SULF1: variants seen among roughly 807,000 people sequenced by gnomAD.
SULF1 encodes the protein sulfatase 1.
Under a neutral mutation model 110.5 loss-of-function variants are expected in SULF1, and 46 were observed. That is an observed-to-expected ratio of 0.42 (90% CI 0.33 to 0.53). The LOEUF (loss-of-function observed/expected upper bound fraction) is 0.53. Among genes scored for constraint, SULF1 ranks in the 20% least tolerant of loss-of-function variants. The probability of loss-of-function intolerance (pLI) is 0.12; values close to 1 mark genes in which losing one functional copy is unlikely to be tolerated. For synonymous variants in SULF1, 371 were observed against 387.1 expected (o/e 0.96, Z 0.49); for missense variants, 941 against 1,094.2 (o/e 0.86, Z 1.98).
chr8:69,659,373 T>C lies in SULF1; in HGVS notation c.*838T>C, dbSNP rs1812966483. Reference sequence around the variant, plus strand: ...ACAGTATTTCTTTTTAACTTTTTTATTTGTAAACTAATAAAGGTAATCACA... The same window carrying C: ...ACAGTATTTCTTTTTAACTTTTTTACTTGTAAACTAATAAAGGTAATCACA... On this transcript the variant is annotated 3_prime_UTR_variant, in exon 23 of 23. Coordinates refer to ENST00000402687, the MANE Select transcript of SULF1 (RefSeq NM_001128205.2). 2.8e-6 allele frequency: 1 copy of C among 357,860 alleles called. No individual in the cohort carries two copies. The allele number at this position is 357,860 out of a possible 1,614,324, so 22.2% of individuals were successfully genotyped here.
chr8:69,491,477 A>G (rs1809939308), upstream of SULF1, among the ~76,000 whole-genome samples: 1 of 152,216 alleles, frequency 6.6e-6, no homozygotes, highest in African/African-American at 2.4e-5. Context: ...CAGGTCCTCT[A>G]ATGTGCAGCA....
upstream of SULF1, among the ~76,000 whole-genome samples, chr8:69,490,667 A>G (rs1047154998): frequency 6.6e-6 from 1 of 152,166 alleles, no homozygotes; most frequent in South Asian, 2.1e-4. Context: ...ATGAGATAAT[A>G]TCTCAGGTTT....
At chr8:69,536,907 A>G (rs915370562) in intron 3 of SULF1, among the ~76,000 whole-genome samples, 1 of 152,194 alleles carries the variant, frequency 6.6e-6, no homozygotes, top group Non-Finnish European at 1.5e-5. Context: ...GTCCTGCAGA[A>G]GGACCCAGGC....
At chr8:69,605,001 C>T in intron 13 of SULF1, 69 bp downstream of exon 13, 10 of 1,587,942 alleles carry the variant, frequency 6.3e-6, no homozygotes, top group South Asian at 1.1e-5. Flanking sequence ...AAATTGTCCA[C>T]ATATAAAAGA....
intron 3 of SULF1, among the ~76,000 whole-genome samples, chr8:69,513,147 T>TA (rs1811692333): frequency 6.6e-6 from 1 of 152,238 alleles, no homozygotes; most frequent in African/African-American, 2.4e-5. Context: ...ATTGTTAATT[T>TA]AAAAAACAAA....
chr8:69,652,335 C>T (rs1204014464), intron 22 of SULF1, among the ~76,000 whole-genome samples: 5 of 152,150 alleles, frequency 3.3e-5, no homozygotes, highest in African/African-American at 9.7e-5. Flanking sequence ...ACATCTTTGC[C>T]GGGTGGAGTC....
chr8:69,527,783 G>A (rs897832557), intron 3 of SULF1, among the ~76,000 whole-genome samples: 3 of 152,124 alleles, frequency 2.0e-5, no homozygotes, highest in African/African-American at 7.2e-5. Context: ...GTGTGTATGT[G>A]TGTGTGTGTT....
chr8:69,605,696 A>G (rs1808173650), intron 13 of SULF1, among the ~76,000 whole-genome samples: 1 of 152,238 alleles, frequency 6.6e-6, no homozygotes, highest in Non-Finnish European at 1.5e-5. Context: ...CTGTGTCATG[A>G]CAAGAGGAAC....
At chr8:69,624,814 A>T (rs1218805827) in intron 15 of SULF1, among the ~76,000 whole-genome samples, 2 of 152,184 alleles carry the variant, frequency 1.3e-5, no homozygotes, top group African/African-American at 4.8e-5. Flanking sequence ...AGTTTAATGA[A>T]CTCACTTTGT....
intron 3 of SULF1, among the ~76,000 whole-genome samples, chr8:69,561,255 ATT>A (rs1815465716): frequency 1.3e-5 from 2 of 152,302 alleles, no homozygotes; most frequent in African/African-American, 2.4e-5. Flanking sequence ...TACAATTATC[ATT>A]TGTCAATAAA....
chr8:69,654,732 G>T (rs901270055), intron 22 of SULF1, among the ~76,000 whole-genome samples: 6 of 152,188 alleles, frequency 3.9e-5, no homozygotes, highest in African/African-American at 1.4e-4. Context: ...TCCAGTGGGG[G>T]ACACTCCCTT....
At chr8:69,517,178 A>G (rs897161186) in intron 3 of SULF1, among the ~76,000 whole-genome samples, 1 of 152,232 alleles carries the variant, frequency 6.6e-6, no homozygotes, top group African/African-American at 2.4e-5. Flanking sequence ...GCAAGTGTGC[A>G]AGACATAGAA....
At chr8:69,616,156 G>A (rs542502755) in intron 13 of SULF1, among the ~76,000 whole-genome samples, 13 of 144,160 alleles carry the variant, frequency 9.0e-5, no homozygotes, top group East Asian at 4.1e-4. Context: ...ATATGTGTGT[G>A]TATATATACA....
Position 69,621,254 on chromosome 8 carries a change from A to G in SULF1, c.1594+3A>G, listed in dbSNP as rs1809582125. ...CTTGAGAAACCAGGGGACTCCAAGT[A>G]AGCCACGCTTTTGTGACCATCTCAA... On this transcript the variant is annotated splice_donor_region_variant and intron_variant, in intron 14 of 22. Transcript: ENST00000402687. 13 of 1,610,024 alleles carry G rather than the reference A, an allele frequency of 8.1e-6. No individual in the cohort carries two copies. The highest frequency in any genetic ancestry group is 1.1e-5 in the Non-Finnish European group (13 of 1,177,626).
intron 3 of SULF1, among the ~76,000 whole-genome samples, chr8:69,503,343 A>G (rs1185286759): frequency 2.0e-5 from 3 of 152,204 alleles, no homozygotes; most frequent in African/African-American, 4.8e-5. Flanking sequence ...ACAGCACTGT[A>G]TCAGATGCTT....
intron 13 of SULF1, among the ~76,000 whole-genome samples, chr8:69,606,928 G>T (rs918635238): frequency 6.6e-6 from 1 of 152,210 alleles, no homozygotes; most frequent in African/African-American, 2.4e-5. Context: ...ATTAGGCTAT[G>T]CCCTGATGGT....
At chr8:69,493,612 G>C (rs747806886) in intron 1 of SULF1, among the ~76,000 whole-genome samples, 2 of 152,148 alleles carry the variant, frequency 1.3e-5, no homozygotes, top group East Asian at 1.9e-4. Flanking sequence ...TGTAATTGTT[G>C]AAAGTTTCTT....
chr8:69,627,650 TTAAG>T, intron 16 of SULF1, 118 bp from the exon 17 acceptor site: 2 of 723,122 alleles, frequency 2.8e-6, no homozygotes, highest in Non-Finnish European at 2.4e-6. Flanking sequence ...TGTTTCTATG[TTAAG>T]TATCATCTCA....
At chr8:69,601,912 G>C in intron 10 of SULF1, 83 bp downstream of exon 10, 4 of 1,403,632 alleles carry the variant, frequency 2.8e-6, no homozygotes, top group Non-Finnish European at 9.6e-7. Flanking sequence ...TCAGTATCTG[G>C]TTTCCTTTCA....
Sources: gnomAD v4.1 joint callset for allele counts (sites outside exome capture counted in the v4.1 genomes callset) on GRCh38, gnomAD v4.1.1 for gene constraint, MANE v1.5 for transcripts, NCBI Gene and HGNC (gene_info 2026-07-23, HGNC 2026-07-21) for gene names.